SYT9: variants seen among roughly 807,000 people sequenced by gnomAD.
The protein encoded by SYT9 is synaptotagmin-9.
SYT9 carries 22 observed loss-of-function variants against 48.4 expected under a neutral mutation model. That is an observed-to-expected ratio of 0.45 (90% CI 0.32 to 0.65). SYT9 has a LOEUF of 0.65. Ranked by LOEUF, SYT9 falls within the 30% of genes least tolerant of loss-of-function variation. The pLI is 0.03. For synonymous variants in SYT9, 265 were observed against 245.0 expected (o/e 1.08, Z -0.76); for missense variants, 577 against 622.0 (o/e 0.93, Z 0.77).
chr11:7,308,672 C>T lies in SYT9; in HGVS notation c.498-4723C>T, dbSNP rs116056854. 7.1e-3 allele frequency among the ~76,000 whole-genome samples: 1,079 copies of T among 152,296 alleles called. 14 individuals are homozygous for T. Among genetic ancestry groups the T allele is most frequent in the African/African-American group, 0.025 (1,032 of 41,548 alleles). ...ATCTCCTTCATAAAAGTTTCCTCAG[C>T]CAGAGGCCTTTCTCCCTCTCATCTT... is the stretch of plus-strand genomic sequence containing the variant. On this transcript the variant is annotated intron_variant, in intron 2 of 6. Coordinates refer to ENST00000318881, the MANE Select transcript of SYT9 (RefSeq NM_175733.4).
At chr11:7,434,256 C>T (rs1201851918) in intron 6 of SYT9, among the ~76,000 whole-genome samples, 1 of 152,184 alleles carries the variant, frequency 6.6e-6, no homozygotes, top group East Asian at 1.9e-4. Flanking sequence ...TCCTCAAAGA[C>T]TCCCATGTGG....
intron 3 of SYT9, among the ~76,000 whole-genome samples, chr11:7,398,688 T>G (rs73399581): frequency 0.023 from 3,503 of 152,272 alleles, 121 homozygotes; most frequent in African/African-American, 0.078. Context: ...ATTACTATTC[T>G]CGTGTACGGG....
At chr11:7,427,304 G>A (rs1163287528) in intron 6 of SYT9, 1 of 152,162 alleles carries the variant, frequency 6.6e-6, no homozygotes, top group Non-Finnish European at 1.5e-5. Flanking sequence ...CTCTATTTAG[G>A]AGAAGAACAT....
At chr11:7,268,502 GA>G (rs2119818491) in intron 1 of SYT9, among the ~76,000 whole-genome samples, 1 of 151,906 alleles carries the variant, frequency 6.6e-6, no homozygotes, top group Non-Finnish European at 1.5e-5. Context: ...GTAAATAATA[GA>G]AAACAAATAC....
chr11:7,389,376 G>A (rs964833398), intron 3 of SYT9, among the ~76,000 whole-genome samples: 1 of 152,058 alleles, frequency 6.6e-6, no homozygotes, highest in Non-Finnish European at 1.5e-5. Flanking sequence ...TAAGTTTGCT[G>A]ATATAAATAT....
intron 6 of SYT9, among the ~76,000 whole-genome samples, chr11:7,423,190 C>T (rs1165596427): frequency 6.6e-6 from 1 of 152,162 alleles, no homozygotes; most frequent in African/African-American, 2.4e-5. Flanking sequence ...GCTGCCTCTT[C>T]CCCGTTGCTT....
intron 1 of SYT9, among the ~76,000 whole-genome samples, chr11:7,296,522 A>G (rs1225284604): frequency 6.6e-6 from 1 of 152,172 alleles, no homozygotes; most frequent in Admixed American, 6.5e-5. Context: ...CCAGAATGTT[A>G]TGATGCTTGA....
chr11:7,341,935 G>A (rs1008378768), intron 3 of SYT9, among the ~76,000 whole-genome samples: 2 of 152,088 alleles, frequency 1.3e-5, no homozygotes, highest in Admixed American at 1.3e-4. Context: ...AAGGCAAAAG[G>A]CATGGCTTTA....
intron 4 of SYT9, among the ~76,000 whole-genome samples, chr11:7,417,237 T>G (rs1025718330): frequency 6.6e-6 from 1 of 152,100 alleles, no homozygotes; most frequent in Non-Finnish European, 1.5e-5. Context: ...GGACTGCATA[T>G]AGGAGTCAGA....
chr11:7,340,293 G>T (rs1382496058), intron 3 of SYT9, among the ~76,000 whole-genome samples: 1 of 152,156 alleles, frequency 6.6e-6, no homozygotes, highest in Admixed American at 6.6e-5. Flanking sequence ...TTCTTGAGAT[G>T]AGTTTGCCAT....
intron 3 of SYT9, among the ~76,000 whole-genome samples, chr11:7,346,149 G>A (rs1849795783): frequency 6.6e-6 from 1 of 152,190 alleles, no homozygotes; most frequent in Non-Finnish European, 1.5e-5. Context: ...AGAGTAGACT[G>A]GAAAGCAAAT....
At chr11:7,249,095 C>A (rs1466911814), upstream of SYT9, among the ~76,000 whole-genome samples, 1 of 152,102 alleles carries the variant, frequency 6.6e-6, no homozygotes, top group Non-Finnish European at 1.5e-5. Flanking sequence ...CAGGGCTCTA[C>A]CTTTATGACC....
chr11:7,390,078 G>C (rs969407851), intron 3 of SYT9, among the ~76,000 whole-genome samples: 1 of 152,038 alleles, frequency 6.6e-6, no homozygotes. Context: ...TGGGTTTGCC[G>C]CACCCATCAA....
intron 3 of SYT9, among the ~76,000 whole-genome samples, chr11:7,350,031 AG>A (rs987215326): frequency 2.0e-5 from 3 of 149,026 alleles, no homozygotes; most frequent in South Asian, 4.2e-4. Flanking sequence ...CACTCATGCC[AG>A]GGGGGGACCC....
chr11:7,420,485 T>C, intron 5 of SYT9, 21 bp from the exon 6 acceptor site: 1 of 1,612,644 alleles, frequency 6.2e-7, no homozygotes, highest in Non-Finnish European at 8.5e-7. Flanking sequence ...AAGAAAAAAC[T>C]ATTGTGGGCC....
chr11:7,354,037 T>C (rs1362947591), intron 3 of SYT9, among the ~76,000 whole-genome samples: 1 of 152,208 alleles, frequency 6.6e-6, no homozygotes, highest in East Asian at 1.9e-4. Context: ...GAATCATTAA[T>C]AGTAATGATT....
intron 2 of SYT9, among the ~76,000 whole-genome samples, chr11:7,305,762 C>G (rs998547924): frequency 5.3e-5 from 8 of 152,160 alleles, no homozygotes; most frequent in Non-Finnish European, 8.8e-5. Flanking sequence ...TTATCACCGT[C>G]TCAGGACAGC....
At chr11:7,311,376 C>T (rs1849130899) in intron 2 of SYT9, among the ~76,000 whole-genome samples, 1 of 152,186 alleles carries the variant, frequency 6.6e-6, no homozygotes, top group African/African-American at 2.4e-5. Flanking sequence ...AGGGTGAAGA[C>T]AAAATGTTGC....
chr11:7,404,477 T>C (rs1166301718), intron 3 of SYT9, among the ~76,000 whole-genome samples: 1 of 152,218 alleles, frequency 6.6e-6, no homozygotes, highest in African/African-American at 2.4e-5. Context: ...CTTGTTTTAT[T>C]TTAGCCAATT....
Sources: gnomAD v4.1 joint callset for allele counts (sites outside exome capture counted in the v4.1 genomes callset) on GRCh38, gnomAD v4.1.1 for gene constraint, MANE v1.5 for transcripts, NCBI Gene and HGNC (gene_info 2026-07-23, HGNC 2026-07-21) for gene names.